The following QSER1 variants were observed in gnomAD, a reference collection of about 807,000 sequenced individuals.
The protein encoded by QSER1 is glutamine and serine rich 1.
Under a neutral mutation model 158.5 loss-of-function variants are expected in QSER1, and 49 were observed. The ratio of observed to expected loss-of-function variants is 0.31; its 90% CI spans 0.25 to 0.39. The LOEUF is 0.39. QSER1 is among the 10% of genes least tolerant of loss of function. The pLI, the probability that QSER1 is intolerant of heterozygous loss-of-function variation, is 1.00. For missense variants in QSER1, 1,754 were observed against 2,010.3 expected (o/e 0.87, Z 2.44); for synonymous variants, 650 against 715.5 (o/e 0.91, Z 1.46).
Position 32,935,151 on chromosome 11 carries a change from C to A in QSER1, c.3893C>A (p.Ala1298Asp), listed in dbSNP as rs1295547327. 1.9e-6 allele frequency: 3 copies of A among 1,613,962 alleles called. No individual in the cohort carries two copies. The change falls in exon 4 of 13, where the codon GCT (alanine) becomes GAT (aspartate). Residue 1298 changes from alanine to aspartate, a missense_variant. Physicochemically the swap from Ala to Asp is moderately radical, Grantham distance 126. Transcript: ENST00000650167. ...SGPKQQFSTL[A>D]VRMPNRTRRP... ...CCCAAGCAGCAGTTTTCCACTCTTG[C>A]TGTACGAATGCCTAACAGGACTAGA...
intron 1 of QSER1, among the ~76,000 whole-genome samples, chr11:32,910,216 GA>G (rs1851749260): frequency 6.6e-6 from 1 of 152,036 alleles, no homozygotes; most frequent in Non-Finnish European, 1.5e-5. Context: ...CCTTCTTCAG[GA>G]GGCATTGCTG....
At chr11:32,975,003 A>T (rs1173203841) in intron 11 of QSER1, among the ~76,000 whole-genome samples, 1 of 152,080 alleles carries the variant, frequency 6.6e-6, no homozygotes, top group Non-Finnish European at 1.5e-5. Flanking sequence ...TATTGTTTAA[A>T]TTTTCCTATA....
chr11:32,938,960 T>C (rs1406351778), intron 4 of QSER1, among the ~76,000 whole-genome samples: 1 of 152,158 alleles, frequency 6.6e-6, no homozygotes, highest in East Asian at 1.9e-4. Context: ...CAATGGAGTA[T>C]AAAAACCCAT....
rs1033435241 is a variant in QSER1, at chr11:32,977,695, A to G, written c.*1221A>G. On this transcript the variant is annotated 3_prime_UTR_variant, in exon 13 of 13. Coordinates refer to ENST00000650167, the MANE Select transcript of QSER1 (RefSeq NM_001076786.3). Reference sequence around the variant, plus strand: ...GCGTTTCAAGTAGTTTAGCTGAGACAGTGAATGTATTAGGTTCAACATGAC... The same window carrying G: ...GCGTTTCAAGTAGTTTAGCTGAGACGGTGAATGTATTAGGTTCAACATGAC... 1.3e-5 allele frequency: 2 copies of G among 152,620 alleles called. No individual in the cohort carries two copies. The highest frequency in any genetic ancestry group is 4.8e-5 in the African/African-American group (2 of 41,458). The allele number at this position is 152,620 out of a possible 1,614,324, so 9.5% of individuals were successfully genotyped here.
chr11:32,894,815 A>G (rs1016081980), intron 1 of QSER1, among the ~76,000 whole-genome samples: 6 of 152,248 alleles, frequency 3.9e-5, no homozygotes, highest in Non-Finnish European at 8.8e-5. Flanking sequence ...TTTGTATTAC[A>G]TACAAGTAAG....
chr11:32,913,839 G>A (rs1851800951), intron 1 of QSER1, among the ~76,000 whole-genome samples: 1 of 152,162 alleles, frequency 6.6e-6, no homozygotes. Flanking sequence ...TGTCTGTGTG[G>A]CTAGCCTCTA....
In QSER1 at chr11:32,898,107, C is replaced by T. The variant is rs150694250; in HGVS notation, c.209+4773C>T. On this transcript the variant is annotated intron_variant, in intron 1 of 12. Coordinates refer to ENST00000650167, the MANE Select transcript of QSER1 (RefSeq NM_001076786.3). The stretch of plus-strand genomic sequence containing the variant: ...CCATCCAGAGTGATTTTTAAAAACA[C>T]AGATCTACAAGTTTGCTCTTGGTCC... Among the ~76,000 whole-genome samples the T allele has an allele frequency of 1.7e-3, 261 of 152,240 alleles. 1 individual carries two copies. The highest frequency in any genetic ancestry group is 5.9e-3 in the African/African-American group (246 of 41,522).
chr11:32,939,859 A>G (rs1280483437), intron 4 of QSER1, among the ~76,000 whole-genome samples: 1 of 151,874 alleles, frequency 6.6e-6, no homozygotes, highest in Non-Finnish European at 1.5e-5. Flanking sequence ...AGAAGATCCC[A>G]TTCTCCAGCT....
At chr11:32,940,751 C>A (rs889934425) in intron 4 of QSER1, among the ~76,000 whole-genome samples, 5 of 152,058 alleles carry the variant, frequency 3.3e-5, no homozygotes, top group African/African-American at 4.8e-5. Context: ...AAGTTTTAGT[C>A]TCTTCTACCT....
intron 3 of QSER1, among the ~76,000 whole-genome samples, chr11:32,929,486 T>C (rs547714027): frequency 9.9e-4 from 151 of 152,290 alleles, no homozygotes; most frequent in African/African-American, 3.5e-3. Context: ...TAGGTAGAAG[T>C]TTTTTTATTT....
chr11:32,939,763 GC>G (rs2133559465), intron 4 of QSER1, among the ~76,000 whole-genome samples: 1 of 152,168 alleles, frequency 6.6e-6, no homozygotes, highest in East Asian at 1.9e-4. Flanking sequence ...AGATCTCAAA[GC>G]CTTTCTTTTG....
chr11:32,931,643 A>G, intron 3 of QSER1, 100 bp from the exon 4 acceptor site: 2 of 934,304 alleles, frequency 2.1e-6, no homozygotes, highest in Non-Finnish European at 3.2e-6. Context: ...TTCAGTCTTA[A>G]GACATTTTGA....
chr11:32,932,952 C>G lies in QSER1; in HGVS notation c.1694C>G (p.Pro565Arg). The G allele has an allele frequency of 6.2e-7, 1 of 1,613,342 alleles. No homozygotes were observed. The change falls in exon 4 of 13, where the codon CCA becomes CGA. Residue 565 changes from proline to arginine, a missense_variant. Around this residue, in one of 2 missense-constraint regions of QSER1, gnomAD observed 1,707 missense variants for 1,919.6 expected, o/e 0.89. Coordinates refer to ENST00000650167, the MANE Select transcript of QSER1 (RefSeq NM_001076786.3). ...TCTGGTCACTCTCAGGGTTTATCACCAGTTAGCCAGACACAGGTTAGCTAT... is the reference window on the plus strand; with the variant it reads ...TCTGGTCACTCTCAGGGTTTATCACGAGTTAGCCAGACACAGGTTAGCTAT... The part of the protein sequence containing the change: ...YSSGHSQGLS[P>R]VSQTQVSYSS...
At chr11:32,970,611 G>A (rs1852834282) in intron 10 of QSER1, among the ~76,000 whole-genome samples, 1 of 152,096 alleles carries the variant, frequency 6.6e-6, no homozygotes, top group South Asian at 2.1e-4. Flanking sequence ...CACCATGTTG[G>A]TCAGGCTGGT....
intron 10 of QSER1, 136 bp downstream of exon 10, chr11:32,969,279 G>T: frequency 1.7e-6 from 1 of 604,182 alleles, no homozygotes; most frequent in Non-Finnish European, 2.9e-6. Flanking sequence ...TTCATTGTAA[G>T]TCCATTTAGT....
At position 32,933,908 on chromosome 11, in the gene QSER1, C is replaced by G. The variant is rs765478595; in HGVS notation, c.2650C>G (p.Gln884Glu). ...LGQVKASLQA[Q>E]RVQSPQQIVH... ...TCAAGTAAAGGCATCTTTACAAGCA[C>G]AGCGTGTTCAAAGCCCTCAACAAAT... The change falls in exon 4 of 13, where the codon CAG becomes GAG. Residue 884 changes from glutamine to glutamate, a missense_variant. Gln to Glu is a conservative substitution (Grantham distance 29). This residue lies in a region of QSER1 where 1,707 missense variants were observed against 1,919.6 expected (regional missense o/e 0.89). Transcript: ENST00000650167. 4.3e-6 allele frequency: 7 copies of G among 1,613,940 alleles called. No individual in the cohort carries two copies. The highest frequency in any genetic ancestry group is 5.9e-6 in the Non-Finnish European group (7 of 1,179,948).
intron 10 of QSER1, among the ~76,000 whole-genome samples, chr11:32,970,930 C>T (rs975583126): frequency 2.2e-5 from 3 of 138,492 alleles, no homozygotes; most frequent in Admixed American, 7.3e-5. Flanking sequence ...TGATAATTGT[C>T]ATATAAAGCA....
intron 12 of QSER1, 127 bp from the exon 13 acceptor site, chr11:32,976,207 C>T: frequency 2.4e-6 from 2 of 834,076 alleles, no homozygotes; most frequent in Non-Finnish European, 3.4e-6. Flanking sequence ...GAGATCTCAC[C>T]CAAATTTAGC....
chr11:32,899,241 A>T (rs747630565), intron 1 of QSER1, among the ~76,000 whole-genome samples: 5 of 152,164 alleles, frequency 3.3e-5, no homozygotes, highest in Non-Finnish European at 5.9e-5. Context: ...TACTTATATC[A>T]TGAAAGCCAG....
Sources: allele counts gnomAD v4.1 joint callset (sites outside exome capture counted in the v4.1 genomes callset), GRCh38; gene constraint gnomAD v4.1.1; regional missense constraint gnomAD v4.1.1; transcripts MANE v1.5; gene names NCBI Gene and HGNC (gene_info 2026-07-23, HGNC 2026-07-21).